Variants in MAP2 observed in about 807,000 individuals in gnomAD.
MAP2 encodes the protein microtubule-associated protein 2.
A neutral mutation model predicts 137.6 loss-of-function variants in MAP2; 14 were observed. That is an observed-to-expected ratio of 0.10 (90% confidence interval 0.07 to 0.16). MAP2 has a LOEUF of 0.16. Ranked by LOEUF, MAP2 falls within the 10% of genes least tolerant of loss-of-function variation. The probability of loss-of-function intolerance (pLI) is 1.00; values close to 1 mark genes in which losing one functional copy is unlikely to be tolerated. For missense variants in MAP2, 2,088 were observed against 2,191.5 expected, an observed-to-expected ratio of 0.95 and a Z score of 0.94; for synonymous variants, 786 against 782.3, an observed-to-expected ratio of 1.00 and a Z score of -0.08.
chr2:209,730,519 CTG>C lies in MAP2; in HGVS notation c.*124_*125del. The C allele has an allele frequency of 1.4e-6, 1 of 692,972 alleles. No individual in the cohort carries two copies. Among genetic ancestry groups the C allele is most frequent in the South Asian group, 1.9e-5 (1 of 52,174 alleles). The allele number at this position is 692,972 out of a possible 1,614,324, so 42.9% of individuals were successfully genotyped here. ...TAAAATAAATAATCTCATCCCCAAA[CTG>C]TAGTAATTGTTACAATTTTCTATTT... is the stretch of plus-strand genomic sequence containing the variant. On this transcript the variant is annotated 3_prime_UTR_variant, in exon 16 of 16. Coordinates refer to ENST00000682079, the MANE Select transcript of MAP2 (RefSeq NM_001375505.1).
rs554030997 is a variant in MAP2 at position 209,503,029 on chromosome 2, C to G, written c.-221-4563C>G. Among the ~76,000 whole-genome samples, 10 of 128,824 alleles carry G rather than the reference C, an allele frequency of 7.8e-5. No homozygotes were observed. In the South Asian group the frequency reaches 1.9e-3, roughly 25 times the overall value. 84.5% of individuals were successfully genotyped at this position (128,824 alleles called of 152,430 possible). On this transcript the variant is annotated intron_variant, in intron 1 of 15. Coordinates refer to ENST00000682079, the MANE Select transcript of MAP2 (RefSeq NM_001375505.1). ...TTTTTTTTTTTTTCTGAGACAGGGT[C>G]TCATTCTGTTGCCCAGGCAGGAGTT... is the stretch of plus-strand genomic sequence containing the variant.
chr2:209,495,010 T>C (rs908288026), intron 1 of MAP2, among the ~76,000 whole-genome samples: 2 of 152,248 alleles, frequency 1.3e-5, no homozygotes, highest in African/African-American at 4.8e-5. Flanking sequence ...TATTCCACCT[T>C]ATCTGTGATT....
In MAP2 at chr2:209,484,418, G is replaced by A. The variant is rs557931116; in HGVS notation, c.-221-23174G>A. ...AAGAAAATGTATTTGATGGCGAGGC[G>A]CAGTGGCTCACGCCCGTAATCCCAG... On this transcript the variant is annotated intron_variant, in intron 1 of 15. Coordinates refer to ENST00000682079, the MANE Select transcript of MAP2 (RefSeq NM_001375505.1). Among the ~76,000 whole-genome samples the A allele has an allele frequency of 1.6e-4, 25 of 152,176 alleles. No individual in the cohort carries two copies. The South Asian group carries it at 4.0e-3, about 24-fold the overall frequency.
intron 5 of MAP2, among the ~76,000 whole-genome samples, chr2:209,668,670 C>G (rs548708105): frequency 6.6e-5 from 10 of 151,998 alleles, no homozygotes; most frequent in African/African-American, 2.4e-4. Flanking sequence ...AGAAGATTTG[C>G]AAAGTCTGTT....
intron 1 of MAP2, among the ~76,000 whole-genome samples, chr2:209,485,605 C>T (rs1432426984): frequency 6.6e-6 from 1 of 152,122 alleles, no homozygotes; most frequent in Non-Finnish European, 1.5e-5. Flanking sequence ...GAATCAGAGC[C>T]AGATAAATCT....
intron 1 of MAP2, among the ~76,000 whole-genome samples, chr2:209,506,432 A>T (rs770511432): frequency 2.6e-5 from 4 of 152,216 alleles, no homozygotes; most frequent in Admixed American, 2.0e-4. Flanking sequence ...TCTAACATGT[A>T]GAAGAACATA....
chr2:209,693,744 C>A lies in MAP2; in HGVS notation c.1574C>A (p.Ser525Tyr), dbSNP rs550242350. The part of the protein sequence containing the change: ...KTLEKAMTEP[S>Y]ALIEKSSIQE... ...CTGGAGAAAGCCATGACCGAACCAT[C>A]TGCATTAATTGAAAAGAGCTCAATT... Residue 525 changes from serine to tyrosine, a missense_variant, in exon 8 of 16, where the codon TCT (serine) becomes TAT (tyrosine). Coordinates refer to ENST00000682079, the MANE Select transcript of MAP2 (RefSeq NM_001375505.1). 5 of 1,613,522 alleles carry A rather than the reference C, an allele frequency of 3.1e-6. No individual in the cohort carries two copies. The South Asian group carries it at 5.5e-5, about 18-fold the overall frequency.
At chr2:209,431,048 G>A (rs532005535) in intron 1 of MAP2, among the ~76,000 whole-genome samples, 6 of 152,090 alleles carry the variant, frequency 3.9e-5, no homozygotes, top group South Asian at 4.2e-4. Flanking sequence ...ACTCAGTCAC[G>A]AATTTCATGC....
At chr2:209,452,178 T>G (rs1007912407) in intron 1 of MAP2, among the ~76,000 whole-genome samples, 4 of 152,176 alleles carry the variant, frequency 2.6e-5, no homozygotes, top group Admixed American at 6.6e-5. Context: ...GGGTATGAAG[T>G]GACAGTCTAG....
intron 1 of MAP2, among the ~76,000 whole-genome samples, chr2:209,435,978 ATACAG>A (rs1559159330): frequency 9.4e-6 from 1 of 106,498 alleles, no homozygotes; most frequent in Non-Finnish European, 1.7e-5. Context: ...TATATAATAT[ATACAG>A]TATATATTAT....
chr2:209,687,697 C>G (rs923888583), intron 7 of MAP2, among the ~76,000 whole-genome samples: 2 of 152,122 alleles, frequency 1.3e-5, no homozygotes, highest in Non-Finnish European at 2.9e-5. Flanking sequence ...CCTGCAGTTT[C>G]TTCCTGTGTG....
chr2:209,618,677 T>C (rs144277782), intron 3 of MAP2, among the ~76,000 whole-genome samples: 1 of 152,286 alleles, frequency 6.6e-6, no homozygotes, highest in East Asian at 1.9e-4. Context: ...TTGCCCACTG[T>C]TGATGGAAAT....
intron 3 of MAP2, among the ~76,000 whole-genome samples, chr2:209,613,061 C>CT (rs2087539533): frequency 1.3e-5 from 2 of 152,108 alleles, no homozygotes; most frequent in African/African-American, 4.8e-5. Context: ...ATCAGGTTCT[C>CT]TTACCCCCGC....
At chr2:209,594,630 TAGAG>T (rs1388628232) in intron 3 of MAP2, among the ~76,000 whole-genome samples, 3 of 152,200 alleles carry the variant, frequency 2.0e-5, no homozygotes, top group Admixed American at 1.3e-4. Context: ...TGATACTTAA[TAGAG>T]AGAAGTGTGT....
intron 3 of MAP2, among the ~76,000 whole-genome samples, chr2:209,604,891 TCTAATG>T (rs2153471072): frequency 6.6e-6 from 1 of 152,250 alleles, no homozygotes; most frequent in Non-Finnish European, 1.5e-5. Context: ...AACTCCCAAT[TCTAATG>T]GCCTCCCCAT....
intron 1 of MAP2, among the ~76,000 whole-genome samples, chr2:209,461,837 A>G (rs1270735093): frequency 6.6e-6 from 1 of 152,044 alleles, no homozygotes; most frequent in Admixed American, 6.6e-5. Context: ...GCCACTCTTC[A>G]GGTCTGTTTT....
At chr2:209,429,873 G>A (rs1369599908) in intron 1 of MAP2, among the ~76,000 whole-genome samples, 1 of 152,024 alleles carries the variant, frequency 6.6e-6, no homozygotes, top group East Asian at 1.9e-4. Flanking sequence ...GCATGAGAAA[G>A]TGTTCATCAA....
chr2:209,468,021 C>T (rs1024177312), intron 1 of MAP2, among the ~76,000 whole-genome samples: 5 of 152,082 alleles, frequency 3.3e-5, no homozygotes, highest in Non-Finnish European at 5.9e-5. Context: ...TCACATTTTA[C>T]GTCATATTAT....
intron 13 of MAP2, chr2:209,723,618 C>A: frequency 6.2e-7 from 1 of 1,613,000 alleles, no homozygotes; most frequent in South Asian, 1.1e-5. Flanking sequence ...ACAAGAAGAT[C>A]GATTTTAGCA....
Sources: gnomAD v4.1 joint callset for allele counts (sites outside exome capture counted in the v4.1 genomes callset) on GRCh38, gnomAD v4.1.1 for gene constraint, MANE v1.5 for transcripts, NCBI Gene and HGNC (gene_info 2026-07-23, HGNC 2026-07-21) for gene names.